The following CPEB3 variants were observed in gnomAD, a reference collection of about 807,000 sequenced individuals.
The protein encoded by CPEB3 is cytoplasmic polyadenylation element binding protein 3.
Under a neutral mutation model 67.2 loss-of-function variants are expected in CPEB3, and 20 were observed. The observed-to-expected ratio is 0.30, with a 90% CI of 0.21 to 0.43. The LOEUF (loss-of-function observed/expected upper bound fraction) is 0.43. CPEB3 is among the 20% of genes least tolerant of loss of function. The probability of loss-of-function intolerance (pLI) is 1.00; values close to 1 mark genes in which losing one functional copy is unlikely to be tolerated. For missense variants in CPEB3, 746 were observed against 968.6 expected (o/e 0.77, Z 3.05); for synonymous variants, 376 against 393.1 (o/e 0.96, Z 0.51).
chr10:92,138,736 T>A (rs946914048), intron 6 of CPEB3, among the ~76,000 whole-genome samples: 2 of 152,184 alleles, frequency 1.3e-5, no homozygotes, highest in Non-Finnish European at 2.9e-5. Flanking sequence ...GGAACACTTG[T>A]ACGCTGTTGG....
chr10:92,199,142 A>AGCACTTTG lies in CPEB3; in HGVS notation c.1006-6514_1006-6507dup, dbSNP rs529651262. Among the ~76,000 whole-genome samples, 520 of 152,366 alleles carry AGCACTTTG rather than the reference A, an allele frequency of 3.4e-3. 1 individual carries two copies. The highest frequency in any genetic ancestry group is 6.2e-3 in the Non-Finnish European group (420 of 68,034). ...CGCAGTGGCTCACGCCTGTAATCCC[A>AGCACTTTG]GCACTTTGGGAGGCTGAGGCAGGCG... On this transcript the variant is annotated intron_variant, in intron 2 of 9. Transcript: ENST00000265997.
At chr10:92,267,512 G>C (rs1282171361) in intron 1 of CPEB3, among the ~76,000 whole-genome samples, 1 of 152,180 alleles carries the variant, frequency 6.6e-6, no homozygotes, top group Non-Finnish European at 1.5e-5. Context: ...TTTTTTAAGT[G>C]TGATGGGAAT....
intron 4 of CPEB3, among the ~76,000 whole-genome samples, chr10:92,177,366 T>C (rs1048034751): frequency 1.3e-5 from 2 of 152,216 alleles, no homozygotes; most frequent in African/African-American, 4.8e-5. Context: ...TGGCAGGTCT[T>C]ACTGATGGAT....
chr10:92,091,777 G>T (rs1357077179), intron 8 of CPEB3, 53 bp downstream of exon 8: 1 of 1,084,016 alleles, frequency 9.2e-7, no homozygotes, highest in South Asian at 1.3e-5. Flanking sequence ...TAAAGGCATT[G>T]GGGATTTTGT....
chr10:92,078,124 A>G (rs1843004762), intron 9 of CPEB3, among the ~76,000 whole-genome samples: 1 of 152,156 alleles, frequency 6.6e-6, no homozygotes, highest in South Asian at 2.1e-4. Flanking sequence ...TGGGATGCCC[A>G]AGGCTATTAC....
At chr10:92,123,197 G>T (rs1384753112) in intron 6 of CPEB3, among the ~76,000 whole-genome samples, 1 of 152,148 alleles carries the variant, frequency 6.6e-6, no homozygotes, top group Non-Finnish European at 1.5e-5. Flanking sequence ...CTTAAAATCT[G>T]CTGTTTACAT....
chr10:92,163,736 A>T (rs1212735297), intron 4 of CPEB3, among the ~76,000 whole-genome samples: 1 of 152,214 alleles, frequency 6.6e-6, no homozygotes, highest in Non-Finnish European at 1.5e-5. Flanking sequence ...CTTTTAACCC[A>T]ATGTTTGATG....
chr10:92,120,098 C>CAAAAAAAAAAAAAAAAAAAAACAAGCAA (rs34785763), intron 6 of CPEB3, among the ~76,000 whole-genome samples: 4 of 45,246 alleles, frequency 8.8e-5, no homozygotes, highest in Admixed American at 6.3e-4. Context: ...ACTAAAAATA[C>CAAAAAAAAAAAAAAAAAAAAACAAGCAA]AAAAAAAAAA....
At chr10:92,111,256 A>G (rs1844726865) in intron 6 of CPEB3, 62 bp from the exon 7 acceptor site, 1 of 1,045,942 alleles carries the variant, frequency 9.6e-7, no homozygotes, top group Admixed American at 1.8e-5. Flanking sequence ...CAAAGTACCA[A>G]TTACAAATTA....
intron 1 of CPEB3, among the ~76,000 whole-genome samples, chr10:92,250,863 T>G: frequency 7.0e-6 from 1 of 141,938 alleles, no homozygotes; most frequent in Non-Finnish European, 1.5e-5. Context: ...AGTTAATTTT[T>G]TTTTTTTTTT....
At chr10:92,212,955 C>A (rs2134356427) in intron 2 of CPEB3, among the ~76,000 whole-genome samples, 1 of 152,178 alleles carries the variant, frequency 6.6e-6, no homozygotes, top group Middle Eastern at 3.4e-3. Context: ...TTTTACTTTT[C>A]AAATGTGCCA....
chr10:92,151,470 C>CA, intron 4 of CPEB3, among the ~76,000 whole-genome samples: 3 of 152,182 alleles, frequency 2.0e-5, no homozygotes, highest in Middle Eastern at 6.8e-3. Context: ...TGACTTTGAA[C>CA]AAAAAACATT....
At chr10:92,198,729 C>T (rs1232014515) in intron 2 of CPEB3, among the ~76,000 whole-genome samples, 2 of 152,224 alleles carry the variant, frequency 1.3e-5, no homozygotes, top group African/African-American at 4.8e-5. Context: ...ATCTCCATTT[C>T]ACTGAGGAAA....
chr10:92,282,252 T>C (rs1842329990), intron 1 of CPEB3, among the ~76,000 whole-genome samples: 1 of 152,180 alleles, frequency 6.6e-6, no homozygotes, highest in Middle Eastern at 3.2e-3. Context: ...TTTATGAAAT[T>C]TTGTAAATAT....
chr10:92,248,827 G>T (rs975502134), intron 1 of CPEB3, among the ~76,000 whole-genome samples: 6 of 152,144 alleles, frequency 3.9e-5, no homozygotes, highest in African/African-American at 1.4e-4. Context: ...ATGGATGTTT[G>T]TCAGTCTATC....
intron 6 of CPEB3, among the ~76,000 whole-genome samples, chr10:92,132,173 C>G (rs1451151215): frequency 1.3e-5 from 2 of 152,168 alleles, no homozygotes; most frequent in Non-Finnish European, 2.9e-5. Flanking sequence ...CTACATACTG[C>G]AGCAAGTAGT....
chr10:92,046,828 T>C lies in CPEB3; in HGVS notation c.*5384A>G, dbSNP rs1488449765. ...CAGTACTGTAGTTCCATACAAGCAA[T>C]ATTAGTCCAAGCCCCAAAGGCAGAA... On this transcript the variant is annotated 3_prime_UTR_variant, in exon 10 of 10. Coordinates refer to ENST00000265997, the MANE Select transcript of CPEB3 (RefSeq NM_014912.5). 2 of 152,194 alleles carry C rather than the reference T, an allele frequency of 1.3e-5. No homozygotes were observed. The highest frequency in any genetic ancestry group is 4.8e-5 in the African/African-American group (2 of 41,446). The allele number at this position is 152,194 out of a possible 1,614,324, so 9.4% of individuals were successfully genotyped here. A position where few individuals can be genotyped will look rare whatever the true frequency, so the allele number is the denominator to read the frequency against.
At chr10:92,168,114 A>G (rs1018885694) in intron 4 of CPEB3, among the ~76,000 whole-genome samples, 3 of 152,234 alleles carry the variant, frequency 2.0e-5, no homozygotes, top group African/African-American at 7.2e-5. Flanking sequence ...AATTCTATGA[A>G]GCATGATACA....
At chr10:92,212,228 T>G (rs1171276436) in intron 2 of CPEB3, among the ~76,000 whole-genome samples, 10 of 150,072 alleles carry the variant, frequency 6.7e-5, no homozygotes, top group African/African-American at 2.4e-4. Context: ...TTTTTTTTTT[T>G]GAGATGGAGT....
Sources: allele counts gnomAD v4.1 joint callset (sites outside exome capture counted in the v4.1 genomes callset), GRCh38; gene constraint gnomAD v4.1.1; transcripts MANE v1.5; gene names NCBI Gene and HGNC (gene_info 2026-07-23, HGNC 2026-07-21).